Variants in COBL observed in about 807,000 individuals in gnomAD.
COBL encodes the protein cordon-bleu WH2 repeat protein, also known as protein cordon-bleu.
COBL carries 51 observed loss-of-function variants against 98.8 expected under a neutral mutation model. The ratio of observed to expected loss-of-function variants is 0.52; its 90% CI spans 0.41 to 0.65. The LOEUF (loss-of-function observed/expected upper bound fraction) is 0.65, where lower values mean the gene tolerates loss of function less well. COBL is among the 30% of genes least tolerant of loss of function. The pLI, the probability that COBL is intolerant of heterozygous loss-of-function variation, is 0.00. For synonymous variants in COBL, 634 were observed against 651.7 expected (o/e 0.97, Z 0.41); for missense variants, 1,617 against 1,617.5 (o/e 1.00, Z 0.01).
intron 1 of COBL, among the ~76,000 whole-genome samples, chr7:51,311,733 T>C (rs1259732276): frequency 2.6e-5 from 4 of 151,992 alleles, no homozygotes; most frequent in Non-Finnish European, 5.9e-5. Context: ...AGATGGAAAC[T>C]AAAATTTACA....
intron 6 of COBL, among the ~76,000 whole-genome samples, chr7:51,112,080 T>A (rs1373115362): frequency 1.3e-5 from 2 of 152,204 alleles, no homozygotes; most frequent in Non-Finnish European, 2.9e-5. Context: ...TGTCTATTTC[T>A]ATTTTTACTA....
intron 1 of COBL, among the ~76,000 whole-genome samples, chr7:51,263,953 G>A (rs1797943270): frequency 6.6e-6 from 1 of 152,230 alleles, no homozygotes; most frequent in Non-Finnish European, 1.5e-5. Context: ...TAGGTTCTTA[G>A]TGTCCCAACT....
chr7:51,262,883 T>C (rs28751580), intron 1 of COBL, among the ~76,000 whole-genome samples: 9,346 of 152,062 alleles, frequency 0.061, 934 homozygotes, highest in African/African-American at 0.21. Context: ...CCAGAGGCAT[T>C]GAGACCCAAC....
intron 7 of COBL, among the ~76,000 whole-genome samples, chr7:51,055,997 T>C (rs1436387045): frequency 2.6e-5 from 4 of 152,152 alleles, no homozygotes; most frequent in African/African-American, 7.2e-5. Flanking sequence ...GCTCTTCACA[T>C]GTCTCCTGTT....
chr7:51,311,790 A>G (rs1397452838), intron 1 of COBL, among the ~76,000 whole-genome samples: 1 of 152,220 alleles, frequency 6.6e-6, no homozygotes, highest in Non-Finnish European at 1.5e-5. Context: ...CATATTATCA[A>G]TACATCTCTA....
chr7:51,131,188 T>C (rs953261320), intron 6 of COBL, among the ~76,000 whole-genome samples: 1 of 152,158 alleles, frequency 6.6e-6, no homozygotes, highest in African/African-American at 2.4e-5. Flanking sequence ...GTGTTGAACA[T>C]AATAAAAGCA....
chr7:51,111,295 C>T (rs1322567866), intron 6 of COBL, among the ~76,000 whole-genome samples: 1 of 152,198 alleles, frequency 6.6e-6, no homozygotes, highest in Non-Finnish European at 1.5e-5. Flanking sequence ...ACCAAGAGTG[C>T]ATAAGCATCC....
chr7:51,083,064 G>T (rs1793825915), intron 7 of COBL: 1 of 1,528,958 alleles, frequency 6.5e-7, no homozygotes, highest in Non-Finnish European at 8.8e-7. Context: ...ATACGTTTGG[G>T]TATCGGGTCT....
At chr7:51,283,774 C>T (rs1017377483) in intron 1 of COBL, among the ~76,000 whole-genome samples, 3 of 151,992 alleles carry the variant, frequency 2.0e-5, no homozygotes, top group African/African-American at 4.8e-5. Flanking sequence ...TGTGAGCCAC[C>T]GCATCTGGCC....
chr7:51,288,853 C>A (rs1800629751), intron 1 of COBL, among the ~76,000 whole-genome samples: 1 of 117,928 alleles, frequency 8.5e-6, no homozygotes, highest in African/African-American at 3.7e-5. Flanking sequence ...TATGGAAATA[C>A]TCTTCTACCT....
chr7:51,297,056 C>T (rs1801480304), intron 1 of COBL, among the ~76,000 whole-genome samples: 1 of 152,140 alleles, frequency 6.6e-6, no homozygotes, highest in Non-Finnish European at 1.5e-5. Flanking sequence ...TTTGAGTCCC[C>T]TCTCTGCTGG....
At chr7:51,267,530 T>C (rs1798336323) in intron 1 of COBL, among the ~76,000 whole-genome samples, 1 of 152,108 alleles carries the variant, frequency 6.6e-6, no homozygotes, top group Non-Finnish European at 1.5e-5. Context: ...TACATGTTAC[T>C]AGTATATTGA....
intron 8 of COBL, among the ~76,000 whole-genome samples, chr7:51,042,897 G>A (rs1789343157): frequency 6.6e-6 from 1 of 152,132 alleles, no homozygotes; most frequent in Non-Finnish European, 1.5e-5. Context: ...ACACTGGGGG[G>A]CCCGCCAACT....
intron 8 of COBL, chr7:51,033,687 T>G (rs1469790881): frequency 6.6e-6 from 1 of 152,268 alleles, no homozygotes; most frequent in Non-Finnish European, 1.5e-5. Flanking sequence ...CAAAGCAGCT[T>G]GAGTGACAGA....
At chr7:51,171,913 A>C (rs1172713971) in intron 5 of COBL, among the ~76,000 whole-genome samples, 1 of 152,222 alleles carries the variant, frequency 6.6e-6, no homozygotes, top group Non-Finnish European at 1.5e-5. Flanking sequence ...AATTTTTAAT[A>C]GGTGATAGTA....
chr7:51,209,423 C>T (rs1253497922), intron 2 of COBL, among the ~76,000 whole-genome samples: 1 of 152,248 alleles, frequency 6.6e-6, no homozygotes, highest in South Asian at 2.1e-4. Flanking sequence ...CCTGGGCAGC[C>T]CCAACCCTCC....
At chr7:51,217,410 C>T (rs1445231783) in intron 2 of COBL, among the ~76,000 whole-genome samples, 4 of 143,216 alleles carry the variant, frequency 2.8e-5, no homozygotes, top group South Asian at 2.2e-4. Flanking sequence ...GGCGTGATCT[C>T]GGCTCACCAC....
chr7:51,043,923 G>T (rs527787170), intron 7 of COBL, among the ~76,000 whole-genome samples: 5 of 152,312 alleles, frequency 3.3e-5, no homozygotes, highest in African/African-American at 1.2e-4. Flanking sequence ...ATCAGTATTT[G>T]ATTAATTAGC....
intron 6 of COBL, among the ~76,000 whole-genome samples, chr7:51,086,693 A>G (rs1794291648): frequency 6.6e-6 from 1 of 152,152 alleles, no homozygotes; most frequent in Admixed American, 6.5e-5. Context: ...TCAGCAGTAC[A>G]CATTTATTGC....
Sources: gnomAD v4.1 joint callset for allele counts (sites outside exome capture counted in the v4.1 genomes callset) on GRCh38, gnomAD v4.1.1 for gene constraint, MANE v1.5 for transcripts, NCBI Gene and HGNC (gene_info 2026-07-23, HGNC 2026-07-21) for gene names.